The following EPC1 variants were observed in gnomAD, a reference collection of about 807,000 sequenced individuals.
EPC1 encodes enhancer of polycomb 1, also known as enhancer of polycomb homolog 1.
EPC1 carries 12 observed loss-of-function variants against 98.4 expected under a neutral mutation model. That is an observed-to-expected ratio of 0.12 (90% CI 0.08 to 0.20). The LOEUF is 0.20. Among genes scored for constraint, EPC1 ranks in the 10% least tolerant of loss-of-function variants. EPC1 has a pLI of 1.00. For missense variants in EPC1, 729 were observed against 990.5 expected (o/e 0.74, Z 3.54); for synonymous variants, 357 against 363.9 (o/e 0.98, Z 0.21).
chr10:32,302,417 G>A (rs1835608392), intron 2 of EPC1, among the ~76,000 whole-genome samples: 1 of 152,028 alleles, frequency 6.6e-6, no homozygotes, highest in Non-Finnish European at 1.5e-5. Flanking sequence ...GGAGGCCGAG[G>A]CGGGTGGATC....
intron 1 of EPC1, among the ~76,000 whole-genome samples, chr10:32,368,842 A>C (rs1839672228): frequency 6.6e-6 from 1 of 152,232 alleles, no homozygotes; most frequent in African/African-American, 2.4e-5. Context: ...TGGCAAGTCT[A>C]GCGCTATTCA....
chr10:32,347,285 G>A (rs921474621), upstream of EPC1: 3 of 883,170 alleles, frequency 3.4e-6, no homozygotes, highest in African/African-American at 1.8e-5. Flanking sequence ...GCCAACCCCC[G>A]GCACCCGCCG....
chr10:32,347,450 G>C (rs1838928284), upstream of EPC1: 1 of 157,074 alleles, frequency 6.4e-6, no homozygotes, highest in African/African-American at 2.4e-5. Context: ...CTCCCTCCCG[G>C]CGCCGCTTTC....
At chr10:32,333,722 G>C (rs1837779115) in intron 1 of EPC1, among the ~76,000 whole-genome samples, 1 of 152,140 alleles carries the variant, frequency 6.6e-6, no homozygotes, top group South Asian at 2.1e-4. Flanking sequence ...AGCCCTGCTA[G>C]AATTTTGCAC....
intron 1 of EPC1, among the ~76,000 whole-genome samples, chr10:32,327,014 A>ACC (rs1837324024): frequency 7.1e-6 from 1 of 141,738 alleles, no homozygotes; most frequent in Non-Finnish European, 1.5e-5. Flanking sequence ...AAAAAAAAAA[A>ACC]AAAATCAATG....
intron 1 of EPC1, among the ~76,000 whole-genome samples, chr10:32,320,973 C>A (rs1462336445): frequency 6.6e-6 from 1 of 152,140 alleles, no homozygotes; most frequent in Non-Finnish European, 1.5e-5. Flanking sequence ...CAATATATGT[C>A]ATCAATTTTG....
chr10:32,357,313 G>T (rs150966903), intron 1 of EPC1, among the ~76,000 whole-genome samples: 1 of 152,202 alleles, frequency 6.6e-6, no homozygotes, highest in African/African-American at 2.4e-5. Flanking sequence ...TCCCAAACAC[G>T]AGACGCATAA....
In EPC1 at chr10:32,287,002, G is replaced by A. The variant is rs1836723649; in HGVS notation, c.1166C>T (p.Ser389Phe). ...ATCATTGTCTTCCTCAGCTTCCGAA[G>A]AGCCAGACAAAACCTTTAAATGAAA... ...EEPLSQVLSG[S>F]SEAEEDNDPD... The change falls in exon 8 of 14, where the codon TCT becomes TTT. Residue 389 changes from serine to phenylalanine, a missense_variant. Physicochemically the swap from Ser to Phe is radical, Grantham distance 155. This residue lies in a region of EPC1 where 390 missense variants were observed against 438.6 expected (regional missense o/e 0.89). Coordinates refer to ENST00000319778, the MANE Select transcript of EPC1 (RefSeq NM_001272004.3). 1 of 1,614,036 alleles carries A rather than the reference G, an allele frequency of 6.2e-7. No individual in the cohort carries two copies. Among genetic ancestry groups the A allele is most frequent in the Non-Finnish European group, 8.5e-7 (1 of 1,180,014 alleles).
Position 32,271,889 on chromosome 10 carries a change from A to G in EPC1, c.2034T>C (p.Ser678=). 1 of 1,614,106 alleles carries G rather than the reference A, an allele frequency of 6.2e-7. No individual in the cohort carries two copies. Residue 678 remains serine, a synonymous_variant, in exon 13 of 14, where the codon AGT becomes AGC. Coordinates refer to ENST00000319778, the MANE Select transcript of EPC1 (RefSeq NM_001272004.3). ...SGVYKGLHLS[S]TTPTALVHTS... is the part of the protein sequence containing the mutation. ...TATGTACAAGTGCTGTTGGTGTAGT[A>G]CTACTGAGGTGTAAGCCCTTGTATA...
At chr10:32,291,074 G>A in intron 6 of EPC1, 89 bp downstream of exon 6, 1 of 1,250,932 alleles carries the variant, frequency 8.0e-7, no homozygotes, top group Non-Finnish European at 1.1e-6. Flanking sequence ...ACTGTGCCCG[G>A]CCTATGTGTG....
chr10:32,366,564 T>C (rs1323570385), intron 1 of EPC1, among the ~76,000 whole-genome samples: 1 of 152,150 alleles, frequency 6.6e-6, no homozygotes, highest in African/African-American at 2.4e-5. Context: ...TTTTCCTTAT[T>C]AAAATTGGAA....
chr10:32,293,620 T>C lies in EPC1; in HGVS notation c.431A>G (p.Asp144Gly). ...ICPLQFEEMI[D>G]RLEKGSGQQP... Reference sequence around the variant, plus strand: ...CTGACCACTGCCTTTTTCTAGGCGGTCAATCATCTCCTCAAATTGCAATGG... The same window carrying C: ...CTGACCACTGCCTTTTTCTAGGCGGCCAATCATCTCCTCAAATTGCAATGG... Residue 144 changes from aspartate (D) to glycine (G), a missense_variant, in exon 3 of 14, where the codon GAC (aspartate) becomes GGC (glycine). By Grantham distance (94) the Asp-to-Gly change is moderately conservative (BLOSUM62 -1). Around this residue, in one of 6 missense-constraint regions of EPC1, gnomAD observed 94 missense variants for 125.1 expected, o/e 0.75. Transcript: ENST00000319778. The C allele has an allele frequency of 6.2e-7, 1 of 1,613,646 alleles. No homozygotes were observed. Among genetic ancestry groups the C allele is most frequent in the Non-Finnish European group, 8.5e-7 (1 of 1,179,810 alleles).
At chr10:32,281,247 T>G (rs1320802840) in intron 10 of EPC1, among the ~76,000 whole-genome samples, 1 of 152,216 alleles carries the variant, frequency 6.6e-6, no homozygotes, top group African/African-American at 2.4e-5. Context: ...TTGGCCAGGC[T>G]GGTCTTGAAC....
chr10:32,299,437 T>G (rs1835362711), intron 2 of EPC1, among the ~76,000 whole-genome samples: 1 of 152,106 alleles, frequency 6.6e-6, no homozygotes, highest in African/African-American at 2.4e-5. Context: ...CCGCCCACCT[T>G]GGCCTCCCAA....
At chr10:32,316,888 G>A (rs923317958) in intron 1 of EPC1, among the ~76,000 whole-genome samples, 9 of 152,204 alleles carry the variant, frequency 5.9e-5, no homozygotes, top group African/African-American at 2.2e-4. Context: ...ATGCACTCAT[G>A]TGTAATTTAC....
At chr10:32,306,187 G>A (rs1354144858) in intron 1 of EPC1, among the ~76,000 whole-genome samples, 1 of 152,146 alleles carries the variant, frequency 6.6e-6, no homozygotes, top group Non-Finnish European at 1.5e-5. Flanking sequence ...TATATAAAGA[G>A]ATTCAAAATA....
Position 32,272,052 on chromosome 10 carries a change from C to T in EPC1, c.1979G>A (p.Gly660Glu), listed in dbSNP as rs940987287. 3 of 1,613,398 alleles carry T rather than the reference C, an allele frequency of 1.9e-6. No homozygotes were observed. Among genetic ancestry groups the T allele is most frequent in the African/African-American group, 1.3e-5 (1 of 74,876 alleles). ...TGAGGCTGGAAGGACGCCATTCACC[C>T]CGATTCCAAGCACCACATCATCCTT... ...KMKDDVVLGI[G>E]VNGVLPASGV... The change falls in exon 12 of 14, where the codon GGG becomes GAG. Residue 660 changes from glycine (G) to glutamate (E), a missense_variant. This residue lies in a region of EPC1 where 156 missense variants were observed against 188.9 expected (regional missense o/e 0.83). Transcript: ENST00000319778.
Position 32,305,942 on chromosome 10 carries a change from G to GA in EPC1, c.154-12dup, listed in dbSNP as rs1835851244. ...CTGAAGATGATGTTCCTAAAAAGAA[G>GA]AAAAAACAGGTAAGTTCATGTATTT... On this transcript the variant is annotated splice_polypyrimidine_tract_variant and intron_variant, in intron 1 of 13. Transcript: ENST00000319778. 1 of 1,585,612 alleles carries GA rather than the reference G, an allele frequency of 6.3e-7. No individual in the cohort carries two copies. Among genetic ancestry groups the GA allele is most frequent in the African/African-American group, 1.4e-5 (1 of 72,892 alleles).
At chr10:32,324,654 C>A (rs1342883793) in intron 1 of EPC1, among the ~76,000 whole-genome samples, 9 of 151,594 alleles carry the variant, frequency 5.9e-5, no homozygotes, top group South Asian at 4.2e-4. Context: ...AAAAGATATT[C>A]TTTCTCCTAC....
Sources: gnomAD v4.1 joint callset for allele counts (sites outside exome capture counted in the v4.1 genomes callset) on GRCh38, gnomAD v4.1.1 for gene constraint, gnomAD v4.1.1 regional missense constraint, MANE v1.5 for transcripts, NCBI Gene and HGNC (gene_info 2026-07-23, HGNC 2026-07-21) for gene names.